The following CSN1S1 variants were observed in gnomAD, a reference collection of about 807,000 sequenced individuals.
The protein encoded by CSN1S1 is alpha-S1-casein.
A neutral mutation model predicts 49.1 loss-of-function variants in CSN1S1; 63 were observed. That is an observed-to-expected ratio of 1.28 (90% CI 1.05 to 1.58). The LOEUF is 1.58. Among genes scored for constraint, CSN1S1 ranks in the 40% most tolerant of loss-of-function variants. The pLI is 0.00. For synonymous variants in CSN1S1, 78 were observed against 67.1 expected (o/e 1.16, Z -0.79); for missense variants, 260 against 224.7 (o/e 1.16, Z -1.01).
In CSN1S1 at chr4:69,946,401, A is replaced by G; in HGVS notation, c.*205A>G. On this transcript the variant is annotated 3_prime_UTR_variant, in exon 16 of 16. Coordinates refer to ENST00000246891, the MANE Select transcript of CSN1S1 (RefSeq NM_001890.2). ...GTCTAAATTTCAGTTGTGTCTTGCC[A>G]TATGGAGGGCACCTAATCAGAGGGT... 3.6e-6 allele frequency: 1 copy of G among 277,304 alleles called. No individual in the cohort carries two copies. The highest frequency in any genetic ancestry group is 7.0e-6 in the Non-Finnish European group (1 of 142,620). 17.2% of individuals were successfully genotyped at this position (277,304 alleles called of 1,614,324 possible).
intron 1 of CSN1S1, among the ~76,000 whole-genome samples, chr4:69,932,181 G>A (rs1722630026): frequency 1.3e-5 from 2 of 151,864 alleles, no homozygotes; most frequent in African/African-American, 4.8e-5. Flanking sequence ...TTGTCATCTA[G>A]GAGGAAAAGT....
chr4:69,933,296 A>G (rs1722667427), intron 2 of CSN1S1, among the ~76,000 whole-genome samples: 1 of 152,040 alleles, frequency 6.6e-6, no homozygotes, highest in African/African-American at 2.4e-5. Context: ...GAGAAGAATA[A>G]ACAGGAATCA....
chr4:69,944,699 GA>G, intron 14 of CSN1S1, 150 bp from the exon 15 acceptor site: 2 of 873,800 alleles, frequency 2.3e-6, no homozygotes, highest in South Asian at 3.7e-5. Context: ...CACCATAGAA[GA>G]TTTTGATTTA....
At chr4:69,940,459 G>A (rs1722938444) in intron 11 of CSN1S1, among the ~76,000 whole-genome samples, 1 of 151,702 alleles carries the variant, frequency 6.6e-6, no homozygotes, top group African/African-American at 2.4e-5. Flanking sequence ...TATAGATCTG[G>A]TTACACTTGA....
chr4:69,945,208 G>A (rs1393361271), intron 15 of CSN1S1, among the ~76,000 whole-genome samples: 1 of 151,924 alleles, frequency 6.6e-6, no homozygotes, highest in African/African-American at 2.4e-5. Context: ...GTAACATGTG[G>A]AACAGTATTA....
At chr4:69,942,153 A>G in intron 13 of CSN1S1, 90 bp downstream of exon 13, 1 of 790,178 alleles carries the variant, frequency 1.3e-6, no homozygotes. Flanking sequence ...ACATAAATAT[A>G]TTCTGAGAGA....
At chr4:69,942,447 A>G (rs1723004607) in intron 13 of CSN1S1, 89 bp from the exon 14 acceptor site, 1 of 993,596 alleles carries the variant, frequency 1.0e-6, no homozygotes. Context: ...TTCATGAATG[A>G]TGTTATGTAT....
chr4:69,945,274 G>A (rs1015075168), intron 15 of CSN1S1, among the ~76,000 whole-genome samples: 1 of 151,922 alleles, frequency 6.6e-6, no homozygotes, highest in African/African-American at 2.4e-5. Context: ...TTCTTTTCAA[G>A]TTAAAAATAT....
At chr4:69,940,967 G>T in intron 11 of CSN1S1, 52 bp from the exon 12 acceptor site, 1 of 903,278 alleles carries the variant, frequency 1.1e-6, no homozygotes, top group South Asian at 1.6e-5. Flanking sequence ...AAAATGATGG[G>T]GTTGGACTGA....
intron 3 of CSN1S1, 106 bp downstream of exon 3, chr4:69,934,350 C>G: frequency 1.8e-6 from 2 of 1,113,838 alleles, no homozygotes; most frequent in South Asian, 2.8e-5. Flanking sequence ...CTTTTGCTGA[C>G]GCATCATTTC....
Position 69,934,323 on chromosome 4 carries a change from T to C in CSN1S1, c.84+79T>C, listed in dbSNP as rs370123505. 1.0e-4 allele frequency: 135 copies of C among 1,337,052 alleles called. No homozygotes were observed. The African/African-American group carries it at 1.5e-3, about 15-fold the overall frequency. The allele number at this position is 1,337,052 out of a possible 1,614,324, so 82.8% of individuals were successfully genotyped here. On this transcript the variant is annotated intron_variant, in intron 3 of 15. Transcript: ENST00000246891. The stretch of plus-strand genomic sequence containing the variant: ...TCCAAATGTGCGCTTCCCTTCTCTA[T>C]GAAACAGCCTGCTTCACTTTTGCTG...
rs759889396 is a variant in CSN1S1 at position 69,942,458 on chromosome 4, A to T, written c.361-78A>T. The stretch of plus-strand genomic sequence containing the variant: ...AAATTTCATGAATGATGTTATGTAT[A>T]CTTCTGGTGCAATGTAAGATAAATG... On this transcript the variant is annotated intron_variant, in intron 13 of 15. Transcript: ENST00000246891. 23 of 1,102,264 alleles carry T rather than the reference A, an allele frequency of 2.1e-5. No homozygotes were observed. In the East Asian group the frequency reaches 5.9e-4, roughly 28 times the overall value. The allele number at this position is 1,102,264 out of a possible 1,614,324, so 68.3% of individuals were successfully genotyped here.
chr4:69,940,763 C>T (rs140956727), intron 11 of CSN1S1, among the ~76,000 whole-genome samples: 1 of 151,644 alleles, frequency 6.6e-6, no homozygotes, highest in Admixed American at 6.6e-5. Flanking sequence ...TATATTGTAA[C>T]TAAAATTGGC....
intron 7 of CSN1S1, 143 bp downstream of exon 7, chr4:69,936,750 T>G (rs957750712): frequency 1.4e-6 from 1 of 699,410 alleles, no homozygotes; most frequent in Non-Finnish European, 2.4e-6. Flanking sequence ...TAGTGACTAA[T>G]GGAGTCTGCT....
At chr4:69,935,841 A>G in intron 4 of CSN1S1, 85 bp from the exon 5 acceptor site, 1 of 858,592 alleles carries the variant, frequency 1.2e-6, no homozygotes, top group East Asian at 2.7e-5. Flanking sequence ...GAAGAACATA[A>G]CGTTTTAATT....
intron 9 of CSN1S1, among the ~76,000 whole-genome samples, chr4:69,938,283 A>G (rs1377049066): frequency 1.3e-5 from 2 of 151,768 alleles, no homozygotes; most frequent in Non-Finnish European, 3.0e-5. Flanking sequence ...TGAGCATACT[A>G]CCCAACAGGT....
At chr4:69,933,028 G>A (rs547343569) in intron 2 of CSN1S1, among the ~76,000 whole-genome samples, 1 of 151,938 alleles carries the variant, frequency 6.6e-6, no homozygotes, top group Admixed American at 6.6e-5. Context: ...ATGTTCCAAT[G>A]TATCCTACTT....
Position 69,937,831 on chromosome 4 carries a change from C to A in CSN1S1, c.243+8C>A, listed in dbSNP as rs375244256. ...GTTGTGGCAGAGCCTGAGGTAAGACCCATTCATTCTAGTGAACTCTACACT... is the reference window on the plus strand; with the variant it reads ...GTTGTGGCAGAGCCTGAGGTAAGACACATTCATTCTAGTGAACTCTACACT... On this transcript the variant is annotated splice_region_variant and intron_variant, in intron 9 of 15. Transcript: ENST00000246891. 9.5e-6 allele frequency: 15 copies of A among 1,586,956 alleles called. No homozygotes were observed. The highest frequency in any genetic ancestry group is 3.7e-5 in the Admixed American group (2 of 54,408).
At chr4:69,931,763 T>C (rs1019535536) in intron 1 of CSN1S1, among the ~76,000 whole-genome samples, 2 of 151,878 alleles carry the variant, frequency 1.3e-5, no homozygotes, top group Non-Finnish European at 2.9e-5. Context: ...TGTGAACAAA[T>C]AGTATGTGTG....
Sources: allele counts gnomAD v4.1 joint callset (sites outside exome capture counted in the v4.1 genomes callset), GRCh38; gene constraint gnomAD v4.1.1; transcripts MANE v1.5; gene names NCBI Gene and HGNC (gene_info 2026-07-23, HGNC 2026-07-21).